Variants in GRIK3 observed in about 807,000 individuals in gnomAD.
GRIK3 encodes the protein glutamate receptor ionotropic, kainate 3.
A neutral mutation model predicts 102.5 loss-of-function variants in GRIK3; 29 were observed. That is an observed-to-expected ratio of 0.28 (90% CI 0.21 to 0.39). The LOEUF is 0.39. Ranked by LOEUF, GRIK3 falls within the 10% of genes least tolerant of loss-of-function variation. GRIK3 has a pLI of 1.00. For synonymous variants in GRIK3, 511 were observed against 504.9 expected (o/e 1.01, Z -0.16); for missense variants, 908 against 1,252.4 (o/e 0.73, Z 4.15).
At chr1:36,992,090 G>A (rs1642369083) in intron 1 of GRIK3, among the ~76,000 whole-genome samples, 1 of 152,246 alleles carries the variant, frequency 6.6e-6, no homozygotes, top group Admixed American at 6.5e-5. Flanking sequence ...TCCATTGTCT[G>A]CTTCTCCTTG....
chr1:36,898,409 G>A (rs1440029033), intron 1 of GRIK3, among the ~76,000 whole-genome samples: 1 of 152,068 alleles, frequency 6.6e-6, no homozygotes, highest in Non-Finnish European at 1.5e-5. Flanking sequence ...TCTTTAGAGA[G>A]AAGGAAAATA....
intron 11 of GRIK3, among the ~76,000 whole-genome samples, chr1:36,822,366 G>A (rs1032328737): frequency 6.6e-6 from 1 of 152,214 alleles, no homozygotes; most frequent in African/African-American, 2.4e-5. Context: ...ATCGCCTCCC[G>A]AGAGGTGAAA....
Position 36,798,053 on chromosome 1 carries a change from C to T in GRIK3, c.*3798G>A, listed in dbSNP as rs2124168726. The T allele has an allele frequency of 6.6e-6, 1 of 152,416 alleles. No individual in the cohort carries two copies. Among genetic ancestry groups the T allele is most frequent in the Non-Finnish European group, 1.5e-5 (1 of 68,106 alleles). 9.4% of individuals were successfully genotyped at this position (152,416 alleles called of 1,614,324 possible). A position where few individuals can be genotyped will look rare whatever the true frequency, so the allele number is the denominator to read the frequency against. ...TACCCCTCAGACACTCAAAGTCCAG[C>T]ACACTGGCCAAGGGGGCGTCACCCC... On this transcript the variant is annotated 3_prime_UTR_variant, in exon 16 of 16. Coordinates refer to ENST00000373091, the MANE Select transcript of GRIK3 (RefSeq NM_000831.4).
At chr1:36,829,665 G>T (rs1642794323) in intron 10 of GRIK3, among the ~76,000 whole-genome samples, 2 of 152,026 alleles carry the variant, frequency 1.3e-5, no homozygotes, top group Admixed American at 6.6e-5. Flanking sequence ...CACTTACCAA[G>T]AATCTGTTGG....
Position 36,801,609 on chromosome 1 carries a change from G to A in GRIK3, c.*242C>T, listed in dbSNP as rs567702591. On this transcript the variant is annotated 3_prime_UTR_variant, in exon 16 of 16. Transcript: ENST00000373091. Reference sequence around the variant, plus strand: ...CTGAGAGAGGCATGTGCTTCCTTTGGCCTTGGCTATCTCGGCTGGCAGCTT... The same window carrying A: ...CTGAGAGAGGCATGTGCTTCCTTTGACCTTGGCTATCTCGGCTGGCAGCTT... 16 of 405,844 alleles carry A rather than the reference G, an allele frequency of 3.9e-5. No homozygotes were observed. The highest frequency in any genetic ancestry group is 3.2e-4 in the African/African-American group (16 of 49,372). 25.1% of individuals were successfully genotyped at this position (405,844 alleles called of 1,614,324 possible). A position where few individuals can be genotyped will look rare whatever the true frequency, so the allele number is the denominator to read the frequency against.
At chr1:36,875,078 C>G (rs1180506028) in intron 3 of GRIK3, among the ~76,000 whole-genome samples, 1 of 152,212 alleles carries the variant, frequency 6.6e-6, no homozygotes. Flanking sequence ...ATTTAACCAT[C>G]TCCCAATCCT....
intron 9 of GRIK3, among the ~76,000 whole-genome samples, chr1:36,847,938 AG>A (rs35545176): frequency 2.0e-5 from 3 of 152,158 alleles, no homozygotes; most frequent in Non-Finnish European, 4.4e-5. Flanking sequence ...ATGAGCCAAG[AG>A]GGGTTCTCTG....
At chr1:36,824,804 A>G (rs1265828549) in intron 11 of GRIK3, among the ~76,000 whole-genome samples, 2 of 152,266 alleles carry the variant, frequency 1.3e-5, no homozygotes, top group East Asian at 3.9e-4. Context: ...GATGTGGGTC[A>G]TAGATAAAAG....
chr1:36,922,088 A>T (rs1352591279), intron 1 of GRIK3, among the ~76,000 whole-genome samples: 1 of 152,204 alleles, frequency 6.6e-6, no homozygotes, highest in Non-Finnish European at 1.5e-5. Flanking sequence ...GGCAGAGTGC[A>T]CACTGGGATC....
At chr1:36,963,202 C>T (rs1266096875) in intron 1 of GRIK3, among the ~76,000 whole-genome samples, 1 of 152,184 alleles carries the variant, frequency 6.6e-6, no homozygotes, top group African/African-American at 2.4e-5. Flanking sequence ...TCTTCCACTC[C>T]ATCAGGCTGG....
At chr1:36,914,279 A>C (rs980258630) in intron 1 of GRIK3, among the ~76,000 whole-genome samples, 2 of 152,164 alleles carry the variant, frequency 1.3e-5, no homozygotes, top group Non-Finnish European at 2.9e-5. Flanking sequence ...CTGGAGGGAA[A>C]ATTGTGTCAT....
At chr1:36,993,375 G>A (rs1300900420) in intron 1 of GRIK3, among the ~76,000 whole-genome samples, 5 of 152,104 alleles carry the variant, frequency 3.3e-5, no homozygotes, top group African/African-American at 7.2e-5. Flanking sequence ...GTGATTCTCC[G>A]CCTCAGCCTC....
At chr1:36,973,506 A>G (rs934732149) in intron 1 of GRIK3, among the ~76,000 whole-genome samples, 25 of 115,740 alleles carry the variant, frequency 2.2e-4, no homozygotes, top group African/African-American at 8.2e-4. Flanking sequence ...CACAACCTCC[A>G]CCTCCCGGGT....
intron 1 of GRIK3, among the ~76,000 whole-genome samples, chr1:36,914,522 C>T (rs550162062): frequency 3.3e-5 from 5 of 152,110 alleles, no homozygotes; most frequent in Admixed American, 6.5e-5. Flanking sequence ...ACTGGAAACA[C>T]GCTTCTGGAA....
In GRIK3 at chr1:36,906,598, AAGGATCGG is replaced by A. The variant is rs553547993; in HGVS notation, c.116-15510_116-15503del. On this transcript the variant is annotated intron_variant, in intron 1 of 15. Transcript: ENST00000373091. ...GCAGGGTTGACAAACTTTGTCTGCA[AAGGATCGG>A]AGGGTAAATGTTTTAGATGATAAGT... Among the ~76,000 whole-genome samples, 544 of 152,336 alleles carry A rather than the reference AAGGATCGG, an allele frequency of 3.6e-3. 2 individuals carry two copies. Among genetic ancestry groups the A allele is most frequent in the African/African-American group, 0.012 (509 of 41,580 alleles).
At chr1:36,996,510 T>C (rs1425449668) in intron 1 of GRIK3, among the ~76,000 whole-genome samples, 3 of 152,180 alleles carry the variant, frequency 2.0e-5, no homozygotes, top group Non-Finnish European at 4.4e-5. Context: ...GCAGCTGACC[T>C]GCAGGTCCTA....
At chr1:36,840,737 C>T (rs893920175) in intron 10 of GRIK3, among the ~76,000 whole-genome samples, 1 of 152,066 alleles carries the variant, frequency 6.6e-6, no homozygotes, top group Non-Finnish European at 1.5e-5. Flanking sequence ...AACAATTACT[C>T]CTATTTTAGA....
intron 1 of GRIK3, among the ~76,000 whole-genome samples, chr1:36,905,674 A>G (rs779872848): frequency 1.3e-5 from 2 of 152,342 alleles, no homozygotes; most frequent in Middle Eastern, 6.8e-3. Flanking sequence ...AAATGTTACC[A>G]GTGAATATCT....
chr1:36,983,313 A>G lies in GRIK3; in HGVS notation c.115+50681T>C, dbSNP rs77885086. ...CACTCTGGGATGTAGGGCAACATCTATTCTGCCCCATGCACACACTCCCAC... is the reference window on the plus strand; with the variant it reads ...CACTCTGGGATGTAGGGCAACATCTGTTCTGCCCCATGCACACACTCCCAC... On this transcript the variant is annotated intron_variant, in intron 1 of 15. Transcript: ENST00000373091. Among the ~76,000 whole-genome samples, 1,488 of 152,202 alleles carry G rather than the reference A, an allele frequency of 9.8e-3. 14 individuals are homozygous for G. Among genetic ancestry groups the G allele is most frequent in the Admixed American group, 0.019 (288 of 15,292 alleles).
Sources: allele counts gnomAD v4.1 joint callset (sites outside exome capture counted in the v4.1 genomes callset), GRCh38; gene constraint gnomAD v4.1.1; transcripts MANE v1.5; gene names NCBI Gene and HGNC (gene_info 2026-07-23, HGNC 2026-07-21).